Variants in PRPF6 observed in about 807,000 individuals in gnomAD.
PRPF6 encodes the protein pre-mRNA processing factor 6.
PRPF6 carries 42 observed loss-of-function variants against 118.3 expected under a neutral mutation model. The ratio of observed to expected loss-of-function variants is 0.35; its 90% CI spans 0.28 to 0.46. PRPF6 has a LOEUF of 0.46. Ranked by LOEUF, PRPF6 falls within the 20% of genes least tolerant of loss-of-function variation. The pLI, the probability that PRPF6 is intolerant of heterozygous loss-of-function variation, is 1.00. For synonymous variants in PRPF6, 481 were observed against 485.1 expected (o/e 0.99, Z 0.11); for missense variants, 662 against 1,255.7 (o/e 0.53, Z 7.15).
chr20:64,010,410 A>G (rs2059211436), intron 10 of PRPF6, 92 bp downstream of exon 10: 2 of 1,082,458 alleles, frequency 1.8e-6, no homozygotes, highest in Non-Finnish European at 2.8e-6. Flanking sequence ...CAAGTGGAGC[A>G]TTGAGCTCAC....
chr20:64,008,924 C>A (rs2059202211), intron 9 of PRPF6, among the ~76,000 whole-genome samples: 1 of 152,118 alleles, frequency 6.6e-6, no homozygotes, highest in African/African-American at 2.4e-5. Context: ...GTGGAAGTCT[C>A]TTCTAGTTTG....
At chr20:64,017,373 C>T (rs2059243511) in intron 12 of PRPF6, among the ~76,000 whole-genome samples, 1 of 149,882 alleles carries the variant, frequency 6.7e-6, no homozygotes, top group African/African-American at 2.5e-5. Context: ...CCGCGCCCGG[C>T]CTCCCAGAGT....
rs769872715 is a variant in PRPF6, at chr20:63,994,937, G to T, written c.460G>T (p.Glu154Ter). 6.2e-7 allele frequency: 1 copy of T among 1,614,214 alleles called. No homozygotes were observed. The change falls in exon 5 of 21, where the codon GAA becomes TAA. Residue 154 changes from glutamate (E) to a stop codon, truncating the protein, a stop_gained. Transcript: ENST00000266079. LOFTEE classifies it high-confidence loss of function. The part of the protein sequence containing the change: ...DLKRKLAEVT[E>*]EEWLSIPEVG... Reference sequence around the variant, plus strand: ...CCAGAGGAAGTTGGCAGAAGTCACAGAAGAAGAGTGGCTGAGCATCCCCGA... The same window carrying T: ...CCAGAGGAAGTTGGCAGAAGTCACATAAGAAGAGTGGCTGAGCATCCCCGA...
At chr20:64,024,725 C>T in intron 14 of PRPF6, 32 bp downstream of exon 14, 1 of 1,606,632 alleles carries the variant, frequency 6.2e-7, no homozygotes, top group Non-Finnish European at 8.5e-7. Context: ...GGTGAGGGGC[C>T]TGTGCACACA....
intron 11 of PRPF6, among the ~76,000 whole-genome samples, chr20:64,014,298 A>C (rs533610098): frequency 6.6e-6 from 1 of 152,178 alleles, no homozygotes; most frequent in East Asian, 1.9e-4. Context: ...TTATATACAG[A>C]TGTTCAACTT....
chr20:64,000,456 CA>C (rs11476285), intron 8 of PRPF6, among the ~76,000 whole-genome samples: 80,811 of 111,020 alleles, frequency 0.73, 28,500 homozygotes, highest in East Asian at 0.91. Context: ...GATTCCGTCT[CA>C]AAAAAAAAAA....
intron 2 of PRPF6, 108 bp from the exon 3 acceptor site, chr20:63,984,799 C>T: frequency 1.2e-6 from 1 of 835,598 alleles, no homozygotes; most frequent in East Asian, 2.8e-5. Flanking sequence ...GCTTCGTTGG[C>T]TGAAGAAAAT....
chr20:64,025,212 A>ATTTG (rs2059283437), intron 14 of PRPF6, among the ~76,000 whole-genome samples: 2 of 152,120 alleles, frequency 1.3e-5, no homozygotes, highest in Non-Finnish European at 2.9e-5. Flanking sequence ...ATGAGAGGGG[A>ATTTG]CTGGCCTGGG....
At chr20:64,000,108 T>TGCCTGAATCCACCAC (rs972691954) in intron 8 of PRPF6, among the ~76,000 whole-genome samples, 7 of 152,026 alleles carry the variant, frequency 4.6e-5, no homozygotes, top group Non-Finnish European at 8.8e-5. Flanking sequence ...CCCGCCACCA[T>TGCCTGAATCCACCAC]GCCTGAATCC....
At chr20:63,997,520 G>C (rs2059146325) in intron 6 of PRPF6, among the ~76,000 whole-genome samples, 1 of 148,010 alleles carries the variant, frequency 6.8e-6, no homozygotes, top group African/African-American at 2.5e-5. Flanking sequence ...GCAGTGGTGT[G>C]ATCTCGGCTC....
intron 11 of PRPF6, among the ~76,000 whole-genome samples, chr20:64,015,215 A>G (rs1028192036): frequency 6.6e-6 from 1 of 152,204 alleles, no homozygotes; most frequent in Non-Finnish European, 1.5e-5. Flanking sequence ...AGCAGTTTGC[A>G]TTCAGTAGAA....
At position 63,995,428 on chromosome 20, in the gene PRPF6, C is replaced by T. The variant is rs779228583; in HGVS notation, c.717C>T (p.Asp239=). Residue 239 remains aspartate, a synonymous_variant, in exon 6 of 21, where the codon GAC becomes GAT. Transcript: ENST00000266079. ...GLMTPGTGEL[D]MRKIGQARNT... ...TGACACCTGGCACAGGTGAGCTGGA[C>T]ATGAGGAAGATTGGCCAAGCGAGGA... 5.6e-6 allele frequency: 9 copies of T among 1,614,006 alleles called. No homozygotes were observed. Among genetic ancestry groups the T allele is most frequent in the African/African-American group, 4.0e-5 (3 of 74,894 alleles).
chr20:63,999,045 G>A lies in PRPF6; in HGVS notation c.772G>A (p.Val258Met). 1 of 1,612,356 alleles carries A rather than the reference G, an allele frequency of 6.2e-7. No individual in the cohort carries two copies. Among genetic ancestry groups the A allele is most frequent in the Non-Finnish European group, 8.5e-7 (1 of 1,178,810 alleles). Reference sequence around the variant, plus strand: ...ACTCTTAGCTTGGCCTGTCTCACAGGTGTCTGACTCCGTGAGTGGACAGAC... The same window carrying A: ...ACTCTTAGCTTGGCCTGTCTCACAGATGTCTGACTCCGTGAGTGGACAGAC... ...NTLMDMRLSQVSDSVSGQTVV... is the reference protein window; with the variant it reads ...NTLMDMRLSQMSDSVSGQTVV... The change falls in exon 7 of 21, where the codon GTG (valine) becomes ATG (methionine). Residue 258 changes from valine (V) to methionine (M), a missense_variant and splice_region_variant. By Grantham distance (21) the Val-to-Met change is conservative. This residue lies in a region of PRPF6 where 71 missense variants were observed against 166.4 expected (regional missense o/e 0.43). Coordinates refer to ENST00000266079, the MANE Select transcript of PRPF6 (RefSeq NM_012469.4).
chr20:63,992,916 C>G lies in PRPF6; in HGVS notation c.360-491C>G, dbSNP rs144678549. On this transcript the variant is annotated intron_variant, in intron 3 of 20. Coordinates refer to ENST00000266079, the MANE Select transcript of PRPF6 (RefSeq NM_012469.4). The stretch of plus-strand genomic sequence containing the variant: ...CAGCTAAGAATGTATTCATAGTTAC[C>G]TTAAAATATATTTGATTTGGGCTGG... Among the ~76,000 whole-genome samples the G allele has an allele frequency of 5.8e-3, 882 of 151,800 alleles. 12 individuals are homozygous for G. Among genetic ancestry groups the G allele is most frequent in the African/African-American group, 0.02 (835 of 41,446 alleles).
At chr20:64,001,418 G>A (rs2059166072) in intron 9 of PRPF6, among the ~76,000 whole-genome samples, 179 bp downstream of exon 9, 1 of 152,220 alleles carries the variant, frequency 6.6e-6, no homozygotes, top group African/African-American at 2.4e-5. Flanking sequence ...GGATACTGTG[G>A]TGGGCAAGTT....
At chr20:64,017,398 C>T (rs1188608332) in intron 12 of PRPF6, among the ~76,000 whole-genome samples, 2 of 149,634 alleles carry the variant, frequency 1.3e-5, no homozygotes, top group East Asian at 2.0e-4. Flanking sequence ...GGATCACAGG[C>T]GTGAGCCGCC....
chr20:64,028,222 T>A lies in PRPF6; in HGVS notation c.2340-256T>A, dbSNP rs1214438517. On this transcript the variant is annotated intron_variant, in intron 17 of 20. Coordinates refer to ENST00000266079, the MANE Select transcript of PRPF6 (RefSeq NM_012469.4). The surrounding 1 kb of genome is among the most constrained non-coding windows in gnomAD (Gnocchi z 6.5). Reference sequence around the variant, plus strand: ...CTGGCTCTCCCAGTCTGGTCTTGTTTGTTCTGGATGCCTTCACCTGCATCT... The same window carrying A: ...CTGGCTCTCCCAGTCTGGTCTTGTTAGTTCTGGATGCCTTCACCTGCATCT... Among the ~76,000 whole-genome samples, 1 of 152,222 alleles carries A rather than the reference T, an allele frequency of 6.6e-6. No individual in the cohort carries two copies. The highest frequency in any genetic ancestry group is 1.5e-5 in the Non-Finnish European group (1 of 68,030).
At chr20:63,986,939 C>A (rs920668767) in intron 3 of PRPF6, among the ~76,000 whole-genome samples, 3 of 150,816 alleles carry the variant, frequency 2.0e-5, no homozygotes, top group East Asian at 4.0e-4. Flanking sequence ...GAGGCTGAGG[C>A]GGGAGGACTG....
chr20:64,008,682 A>G (rs1263938485), intron 9 of PRPF6, among the ~76,000 whole-genome samples: 2 of 152,142 alleles, frequency 1.3e-5, no homozygotes, highest in Non-Finnish European at 2.9e-5. Context: ...TCCTATATCC[A>G]TGATTTGGTT....
Sources: gnomAD v4.1 joint callset for allele counts (sites outside exome capture counted in the v4.1 genomes callset) on GRCh38, gnomAD v4.1.1 for gene constraint, gnomAD v4.1.1 regional missense constraint, Gnocchi (gnomAD v3.1) non-coding constraint, MANE v1.5 for transcripts, NCBI Gene and HGNC (gene_info 2026-07-23, HGNC 2026-07-21) for gene names.